Variants in GGNBP2 observed in about 807,000 individuals in gnomAD.
The protein encoded by GGNBP2 is gametogenetin binding protein 2, also known as gametogenetin-binding protein 2.
A neutral mutation model predicts 85.9 loss-of-function variants in GGNBP2; 10 were observed. The ratio of observed to expected loss-of-function variants is 0.12; its 90% confidence interval spans 0.07 to 0.20. The LOEUF (loss-of-function observed/expected upper bound fraction) is 0.20. Ranked by LOEUF, GGNBP2 falls within the 10% of genes least tolerant of loss-of-function variation. The probability of loss-of-function intolerance (pLI) is 1.00; values close to 1 mark genes in which losing one functional copy is unlikely to be tolerated. For missense variants in GGNBP2, 595 were observed against 857.8 expected (o/e 0.69, Z 3.83); for synonymous variants, 287 against 285.7 (o/e 1.00, Z -0.05).
intron 4 of GGNBP2, among the ~76,000 whole-genome samples, chr17:36,560,529 G>A (rs1271859316): frequency 6.6e-6 from 1 of 152,182 alleles, no homozygotes. Flanking sequence ...GGGACTACAG[G>A]TGTGTGCTTC....
At chr17:36,553,279 T>G (rs2074328562) in intron 2 of GGNBP2, among the ~76,000 whole-genome samples, 1 of 152,220 alleles carries the variant, frequency 6.6e-6, no homozygotes, top group South Asian at 2.1e-4. Flanking sequence ...GTGTTGCACA[T>G]GCAGTCTGGA....
intron 12 of GGNBP2, 22 bp downstream of exon 12, chr17:36,586,220 TC>T: frequency 6.2e-7 from 1 of 1,604,306 alleles, no homozygotes; most frequent in African/African-American, 1.3e-5. Flanking sequence ...AACTTGTAAT[TC>T]TTAAACCTTT....
chr17:36,550,150 C>T (rs2074295277), intron 2 of GGNBP2, among the ~76,000 whole-genome samples: 1 of 152,078 alleles, frequency 6.6e-6, no homozygotes. Flanking sequence ...TTTGGCCAGG[C>T]TGGTCTCGAA....
chr17:36,584,217 T>A (rs942970040), intron 9 of GGNBP2, among the ~76,000 whole-genome samples: 1 of 152,272 alleles, frequency 6.6e-6, no homozygotes, highest in Non-Finnish European at 1.5e-5. Context: ...CTCTCATTTA[T>A]TCGTTCAAGT....
chr17:36,577,360 A>G (rs2074601705), intron 6 of GGNBP2: 1 of 153,044 alleles, frequency 6.5e-6, no homozygotes, highest in South Asian at 2.1e-4. Context: ...TTTTGTCTAT[A>G]TTATGTTTGT....
chr17:36,585,788 C>T (rs370339305), intron 10 of GGNBP2, 52 bp from the exon 11 acceptor site: 83 of 1,522,342 alleles, frequency 5.5e-5, no homozygotes, highest in Non-Finnish European at 7.0e-5. Context: ...ACTCTTTGTC[C>T]TAATATACTT....
At chr17:36,548,341 TTGG>T (rs1166931285) in intron 2 of GGNBP2, among the ~76,000 whole-genome samples, 4 of 151,940 alleles carry the variant, frequency 2.6e-5, no homozygotes, top group Admixed American at 6.6e-5. Context: ...TAGGCTGGGT[TTGG>T]TGGCTCACGC....
intron 6 of GGNBP2, chr17:36,575,009 G>C: frequency 5.9e-6 from 9 of 1,531,276 alleles, no homozygotes; most frequent in Non-Finnish European, 7.9e-6. Context: ...CTTCTGCACT[G>C]GCATAATCTT....
In GGNBP2 at chr17:36,579,763, C is replaced by T. The variant is rs148902481; in HGVS notation, c.1020+344C>T. Among the ~76,000 whole-genome samples, 987 of 152,302 alleles carry T rather than the reference C, an allele frequency of 6.5e-3. 36 individuals carry two copies. In the East Asian group the frequency reaches 0.092, roughly 14 times the overall value. ...TGGTGGCTTACGCCTGTAATCCCAG[C>T]ACTTTGGGAGGACGAGGCAGGCGGA... On this transcript the variant is annotated intron_variant, in intron 8 of 13. Transcript: ENST00000613102.
At chr17:36,566,400 C>T (rs953372668) in intron 5 of GGNBP2, among the ~76,000 whole-genome samples, 2 of 152,064 alleles carry the variant, frequency 1.3e-5, no homozygotes, top group Non-Finnish European at 2.9e-5. Context: ...TGGCTCACGC[C>T]TGTAATCCCA....
At chr17:36,558,414 CAAAAAAAAAAAAAAA>C (rs755597241) in intron 4 of GGNBP2, among the ~76,000 whole-genome samples, 3 of 18,966 alleles carry the variant, frequency 1.6e-4, no homozygotes, top group Admixed American at 1.3e-3. Context: ...AGCTCCATCT[CAAAAAAAAAAAAAAA>C]AAAAAAAAAG....
At chr17:36,583,458 A>G (rs2074671290) in intron 9 of GGNBP2, among the ~76,000 whole-genome samples, 1 of 152,010 alleles carries the variant, frequency 6.6e-6, no homozygotes. Context: ...ATTATATGGT[A>G]GGAAAAGTAT....
chr17:36,577,223 A>G (rs912963312), intron 6 of GGNBP2: 6 of 152,178 alleles, frequency 3.9e-5, no homozygotes, highest in Middle Eastern at 3.2e-3. Flanking sequence ...ACCAGGCTCT[A>G]TTATTTCTTT....
At chr17:36,548,488 G>T (rs1036277079) in intron 2 of GGNBP2, among the ~76,000 whole-genome samples, 1 of 151,474 alleles carries the variant, frequency 6.6e-6, no homozygotes, top group African/African-American at 2.4e-5. Context: ...AGTGGTGGGT[G>T]CCTGTAATCC....
chr17:36,547,414 A>G (rs1470356048), intron 2 of GGNBP2: 2 of 152,272 alleles, frequency 1.3e-5, no homozygotes, highest in Non-Finnish European at 2.9e-5. Context: ...ATGAATAATC[A>G]TAACATAGGA....
At chr17:36,579,670 T>C (rs2074626221) in intron 8 of GGNBP2, among the ~76,000 whole-genome samples, 2 of 152,234 alleles carry the variant, frequency 1.3e-5, no homozygotes, top group Admixed American at 1.3e-4. Flanking sequence ...TTTTAGACTT[T>C]CTCAGAGTAG....
intron 2 of GGNBP2, among the ~76,000 whole-genome samples, chr17:36,550,322 GTTTT>G (rs369077664): frequency 6.8e-6 from 1 of 147,722 alleles, no homozygotes; most frequent in Non-Finnish European, 1.5e-5. Context: ...TTGGGGTTTT[GTTTT>G]TTTTTTCTTT....
intron 5 of GGNBP2, among the ~76,000 whole-genome samples, chr17:36,564,768 C>G (rs960729658): frequency 3.3e-5 from 5 of 151,998 alleles, no homozygotes; most frequent in African/African-American, 1.2e-4. Flanking sequence ...ACATCCCCAC[C>G]CCCCATAGCT....
chr17:36,567,018 A>G (rs1309309149), intron 5 of GGNBP2, among the ~76,000 whole-genome samples: 1 of 152,004 alleles, frequency 6.6e-6, no homozygotes, highest in East Asian at 1.9e-4. Flanking sequence ...TAAAAGTAAA[A>G]AAAAAATTAC....
Sources: allele counts gnomAD v4.1 joint callset (sites outside exome capture counted in the v4.1 genomes callset), GRCh38; gene constraint gnomAD v4.1.1; transcripts MANE v1.5; gene names NCBI Gene and HGNC (gene_info 2026-07-23, HGNC 2026-07-21).